Variants in USP9X observed in about 807,000 individuals in gnomAD.
USP9X encodes the protein ubiquitin specific peptidase 9 X-linked.
A neutral mutation model predicts 190.3 loss-of-function variants in USP9X; 7 were observed. The ratio of observed to expected loss-of-function variants is 0.04; its 90% CI spans 0.02 to 0.07. The LOEUF (loss-of-function observed/expected upper bound fraction) is 0.07. Among genes scored for constraint, USP9X ranks in the 10% least tolerant of loss-of-function variants. USP9X has a pLI of 1.00. For missense variants in USP9X, 1,010 were observed against 1,916.9 expected, an observed-to-expected ratio of 0.53 and a Z score of 8.83; for synonymous variants, 645 against 659.5, an observed-to-expected ratio of 0.98 and a Z score of 0.34.
intron 1 of USP9X, among the ~76,000 whole-genome samples, chrX:41,101,464 G>A (rs924538173): frequency 2.7e-5 from 3 of 109,975 alleles, no homozygotes; most frequent in African/African-American, 6.6e-5. Context: ...GCACATGCCC[G>A]TAGTCCCAGG....
intron 3 of USP9X, among the ~76,000 whole-genome samples, chrX:41,131,049 AAAAG>A (rs1370397824): frequency 1.8e-5 from 2 of 110,912 alleles, no homozygotes; most frequent in Non-Finnish European, 3.8e-5. Context: ...ACCAAAAAAA[AAAAG>A]GGGGGTGGCG....
rs1475029986 is a variant in USP9X at position 41,233,620 on chromosome X, A to G, written c.*1096A>G. On this transcript the variant is annotated 3_prime_UTR_variant, in exon 45 of 45. Coordinates refer to ENST00000378308, the MANE Select transcript of USP9X (RefSeq NM_001039591.3). ...GGTACTTGGAGTACCTCTCTGCACC[A>G]AGATAGCTGGCTGATTTTCTGCTCA... 1 of 112,149 alleles carries G rather than the reference A, an allele frequency of 8.9e-6. No individual in the cohort carries two copies. Among genetic ancestry groups the G allele is most frequent in the Non-Finnish European group, 1.9e-5 (1 of 53,215 alleles). The allele number at this position is 112,149 out of a possible 1,213,427, so 9.2% of individuals were successfully genotyped here. A position where few individuals can be genotyped will look rare whatever the true frequency, so the allele number is the denominator to read the frequency against.
At chrX:41,102,043 G>A (rs2062037823) in intron 1 of USP9X, among the ~76,000 whole-genome samples, 1 of 111,293 alleles carries the variant, frequency 9.0e-6, no homozygotes, top group Admixed American at 9.6e-5. Context: ...TGGGGGTGAT[G>A]AAAAAGTAAT....
intron 2 of USP9X, among the ~76,000 whole-genome samples, chrX:41,124,528 C>T (rs775800074): frequency 5.5e-5 from 6 of 109,532 alleles, no homozygotes; most frequent in African/African-American, 1.7e-4. Context: ...AGTATGTAGT[C>T]CGTCTTTTTC....
intron 11 of USP9X, among the ~76,000 whole-genome samples, chrX:41,146,664 C>CTTTTT (rs748840962): frequency 6.0e-5 from 3 of 50,365 alleles, no homozygotes; most frequent in Non-Finnish European, 1.1e-4. Flanking sequence ...AGCTATTTGC[C>CTTTTT]TTTTTTTTTT....
At chrX:41,159,080 T>C (rs868752034) in intron 14 of USP9X, among the ~76,000 whole-genome samples, 31 of 111,324 alleles carry the variant, frequency 2.8e-4, no homozygotes, top group African/African-American at 8.8e-4. Flanking sequence ...CTTGAGGCAT[T>C]AGCCAGGATA....
rs183059073 is a variant in USP9X, at chrX:41,177,078, A to G, written c.3148+5120A>G. ...ACATTTGGAGAACAAGTTGTAGACAATCATCTTTTTCTTCCTAAATAGCTT... is the reference window on the plus strand; with the variant it reads ...ACATTTGGAGAACAAGTTGTAGACAGTCATCTTTTTCTTCCTAAATAGCTT... On this transcript the variant is annotated intron_variant, in intron 21 of 44. Coordinates refer to ENST00000378308, the MANE Select transcript of USP9X (RefSeq NM_001039591.3). Among the ~76,000 whole-genome samples, 142 of 112,544 alleles carry G rather than the reference A, an allele frequency of 1.3e-3. 2 individuals are homozygous for G. Among genetic ancestry groups the G allele is most frequent in the Non-Finnish European group, 1.7e-3 (92 of 53,264 alleles).
intron 15 of USP9X, among the ~76,000 whole-genome samples, chrX:41,164,953 CT>C (rs904998568): frequency 1.8e-5 from 2 of 111,614 alleles, no homozygotes; most frequent in Non-Finnish European, 1.9e-5. Context: ...ACTGGTGCAG[CT>C]CTACTTTTTA....
At chrX:41,139,239 C>T (rs1347012984) in intron 6 of USP9X, among the ~76,000 whole-genome samples, 1 of 112,187 alleles carries the variant, frequency 8.9e-6, no homozygotes, top group Non-Finnish European at 1.9e-5. Context: ...GAATTAAGTA[C>T]TCGAGTTTTA....
chrX:41,136,578 C>T (rs1423199620), intron 5 of USP9X, among the ~76,000 whole-genome samples: 1 of 112,072 alleles, frequency 8.9e-6, no homozygotes, highest in African/African-American at 3.2e-5. Context: ...CTTATGGTGC[C>T]TCTTGTATTT....
Position 41,134,342 on chromosome X carries a change from A to G in USP9X, c.323-383A>G, listed in dbSNP as rs187547199. Among the ~76,000 whole-genome samples the G allele has an allele frequency of 3.7e-3, 416 of 112,560 alleles. 2 individuals are homozygous for G. Among genetic ancestry groups the G allele is most frequent in the Middle Eastern group, 0.037 (8 of 219 alleles). On this transcript the variant is annotated intron_variant, in intron 4 of 44. Transcript: ENST00000378308. ...GAGAGAGGCTAATAAGGAAGACAAG[A>G]CATAATTCATTTTATTTGATCAAAC...
rs1262380146 is a variant in USP9X at position 41,232,274 on chromosome X, CAGAGTAAGTCCCAAGAATA to C, written c.7528-106_7528-88del. On this transcript the variant is annotated intron_variant, in intron 44 of 44. Coordinates refer to ENST00000378308, the MANE Select transcript of USP9X (RefSeq NM_001039591.3). ...CACTATAGTAGTCCAAGGGTATTTA[CAGAGTAAGTCCCAAGAATA>C]AGAGTATACATTTCCAGAGACTTCA... 6 of 841,384 alleles carry C rather than the reference CAGAGTAAGTCCCAAGAATA, an allele frequency of 7.1e-6. No homozygotes were observed. The African/African-American group carries it at 1.2e-4, about 18-fold the overall frequency. The allele number at this position is 841,384 out of a possible 1,213,427, so 69.3% of individuals were successfully genotyped here.
intron 1 of USP9X, among the ~76,000 whole-genome samples, chrX:41,088,052 C>T (rs935255280): frequency 3.6e-5 from 4 of 111,927 alleles, no homozygotes; most frequent in Non-Finnish European, 7.5e-5. Flanking sequence ...GGCACGATCT[C>T]GGCTCACTGC....
intron 38 of USP9X, among the ~76,000 whole-genome samples, chrX:41,220,121 T>C (rs2063247592): frequency 1.8e-5 from 2 of 112,401 alleles, no homozygotes; most frequent in Middle Eastern, 4.6e-3. Context: ...TAAGGGAGAT[T>C]GTACTTTTCA....
chrX:41,139,169 ATATAT>A (rs1330885123), intron 6 of USP9X, among the ~76,000 whole-genome samples: 4 of 112,553 alleles, frequency 3.6e-5, no homozygotes, highest in African/African-American at 9.7e-5. Context: ...AAGAAATAAA[ATATAT>A]TACATAATGA....
Position 41,171,632 on chromosome X carries a change from A to C in USP9X, c.3028-206A>C, listed in dbSNP as rs1365927812. On this transcript the variant is annotated intron_variant, in intron 20 of 44. Transcript: ENST00000378308. ...GAACAGGAGAGGAGCTATCACAAAA[A>C]AATGACTGGAAGTGACTTGATGATG... 3 of 472,319 alleles carry C rather than the reference A, an allele frequency of 6.4e-6. No individual in the cohort carries two copies. The East Asian group carries it at 1.3e-4, about 20-fold the overall frequency. 38.9% of individuals were successfully genotyped at this position (472,319 alleles called of 1,213,427 possible).
chrX:41,218,738 A>G lies in USP9X; in HGVS notation c.6435+141A>G, dbSNP rs755599098. The G allele has an allele frequency of 4.0e-5, 22 of 547,316 alleles. No homozygotes were observed. The East Asian group carries it at 7.0e-4, about 17-fold the overall frequency. 45.1% of individuals were successfully genotyped at this position (547,316 alleles called of 1,213,427 possible). On this transcript the variant is annotated intron_variant, in intron 37 of 44. Transcript: ENST00000378308. ...ACACAATATGATGTCAGTGAGTTCC[A>G]TTTAATATTACTGCATGGCAATGAA...
At position 41,129,164 on chromosome X, in the gene USP9X, C is replaced by T. The variant is rs376102173; in HGVS notation, c.242+19C>T. The T allele has an allele frequency of 2.6e-4, 307 of 1,194,561 alleles. No homozygotes were observed. Among genetic ancestry groups the T allele is most frequent in the Non-Finnish European group, 3.0e-4 (263 of 890,360 alleles). ...TCAACAGGTGAGTTGGTGTGTAACA[C>T]CCAAGAAAGAGAGCAGACAGGAAAG... On this transcript the variant is annotated intron_variant, in intron 3 of 44. Coordinates refer to ENST00000378308, the MANE Select transcript of USP9X (RefSeq NM_001039591.3).
chrX:41,126,731 C>G (rs1218462089), intron 2 of USP9X, among the ~76,000 whole-genome samples: 3 of 111,483 alleles, frequency 2.7e-5, no homozygotes, highest in Non-Finnish European at 5.7e-5. Flanking sequence ...TTGTTTTTCT[C>G]TACTTTTTAA....
Sources: gnomAD v4.1 joint callset for allele counts (sites outside exome capture counted in the v4.1 genomes callset) on GRCh38, gnomAD v4.1.1 for gene constraint, MANE v1.5 for transcripts, NCBI Gene and HGNC (gene_info 2026-07-23, HGNC 2026-07-21) for gene names.